STX11: variants seen among roughly 807,000 people sequenced by gnomAD.
The protein encoded by STX11 is syntaxin-11.
STX11 carries 21 observed loss-of-function variants against 19.9 expected under a neutral mutation model. The ratio of observed to expected loss-of-function variants is 1.06; its 90% CI spans 0.75 to 1.52. The LOEUF (loss-of-function observed/expected upper bound fraction) is 1.52, where lower values mean the gene tolerates loss of function less well. Ranked by LOEUF, STX11 falls within the 40% of genes most tolerant of loss-of-function variation. STX11 has a pLI of 0.00. For synonymous variants in STX11, 193 were observed against 174.4 expected (o/e 1.11, Z -0.84); for missense variants, 438 against 405.9 (o/e 1.08, Z -0.68).
In STX11 at chr6:144,172,900, C is replaced by T. The variant is rs1336601717; in HGVS notation, c.-5-13723C>T. ...CACCCCATTTAAAAAAAAAAAAGAGCCATTAACAGGATACATATGACAACC... is the reference window on the plus strand; with the variant it reads ...CACCCCATTTAAAAAAAAAAAAGAGTCATTAACAGGATACATATGACAACC... On this transcript the variant is annotated intron_variant, in intron 1 of 1. Coordinates refer to ENST00000367568, the MANE Select transcript of STX11 (RefSeq NM_003764.4). This position sits in a 1 kb window ranked among gnomAD's most constrained non-coding sequence, Gnocchi z 4.2. Among the ~76,000 whole-genome samples the T allele has an allele frequency of 6.6e-6, 1 of 151,954 alleles. No homozygotes were observed. The highest frequency in any genetic ancestry group is 1.5e-5 in the Non-Finnish European group (1 of 68,006).
chr6:144,140,719 G>C, the STX11 span: 1 of 984,720 alleles, frequency 1.0e-6, no homozygotes, highest in Non-Finnish European at 1.2e-6. Flanking sequence ...GTGCCAAAGG[G>C]AAAAGTAAGA....
In STX11 at chr6:144,151,954, A is replaced by C. The variant is rs185537419; in HGVS notation, c.-6+1251A>C. On this transcript the variant is annotated intron_variant, in intron 1 of 1. Coordinates refer to ENST00000367568, the MANE Select transcript of STX11 (RefSeq NM_003764.4). This position sits in a 1 kb window ranked among gnomAD's most constrained non-coding sequence, Gnocchi z 4.6. ...CGGTAGAGAAGGGGACACCATCTCT[A>C]CTGGAGCTGAGTTGAGCTGAATTCA... Among the ~76,000 whole-genome samples, 280 of 152,266 alleles carry C rather than the reference A, an allele frequency of 1.8e-3. 1 individual carries two copies. Among genetic ancestry groups the C allele is most frequent in the Admixed American group, 5.4e-3 (83 of 15,288 alleles).
At position 144,187,542 on chromosome 6, in the gene STX11, G is replaced by A; in HGVS notation, c.*51G>A. The stretch of plus-strand genomic sequence containing the variant: ...CATCCCAGACCATGGAGCGCGCTGG[G>A]AAGGACGCACCAAAGCCGGGAGCTC... On this transcript the variant is annotated 3_prime_UTR_variant, in exon 2 of 2. Transcript: ENST00000367568. This position sits in a 1 kb window ranked among gnomAD's most constrained non-coding sequence, Gnocchi z 5.6. 1 of 1,609,896 alleles carries A rather than the reference G, an allele frequency of 6.2e-7. No individual in the cohort carries two copies. Among genetic ancestry groups the A allele is most frequent in the Non-Finnish European group, 8.5e-7 (1 of 1,179,136 alleles).
Position 144,187,619 on chromosome 6 carries a change from G to C in STX11, c.*128G>C. On this transcript the variant is annotated 3_prime_UTR_variant, in exon 2 of 2. Coordinates refer to ENST00000367568, the MANE Select transcript of STX11 (RefSeq NM_003764.4). The surrounding 1 kb of genome is among the most constrained non-coding windows in gnomAD (Gnocchi z 5.6). ...TTTCCGGAACTCAGTCTTTAGAAAA[G>C]AAACGCCAGGTTCAAGAATTGCAAA... is the stretch of plus-strand genomic sequence containing the variant. 2.8e-4 allele frequency: 327 copies of C among 1,188,954 alleles called. No homozygotes were observed. The highest frequency in any genetic ancestry group is 2.8e-4 in the East Asian group (10 of 35,502). The allele number at this position is 1,188,954 out of a possible 1,614,324, so 73.7% of individuals were successfully genotyped here. A position where few individuals can be genotyped will look rare whatever the true frequency, so the allele number is the denominator to read the frequency against.
At position 144,187,759 on chromosome 6, in the gene STX11, T is replaced by A; in HGVS notation, c.*268T>A. ...TATGACACCTTGCACTCTTACCGTC[T>A]TGACAGAAGCCAAGTAAGGAACTGA... On this transcript the variant is annotated 3_prime_UTR_variant, in exon 2 of 2. Transcript: ENST00000367568. This position sits in a 1 kb window ranked among gnomAD's most constrained non-coding sequence, Gnocchi z 5.6. 1.8e-6 allele frequency: 1 copy of A among 569,418 alleles called. No individual in the cohort carries two copies. Among genetic ancestry groups the A allele is most frequent in the East Asian group, 3.1e-5 (1 of 32,554 alleles). 35.3% of individuals were successfully genotyped at this position (569,418 alleles called of 1,614,324 possible). A position where few individuals can be genotyped will look rare whatever the true frequency, so the allele number is the denominator to read the frequency against.
At chr6:144,173,546 A>AG (rs1318185636) in intron 1 of STX11, among the ~76,000 whole-genome samples, 1 of 152,152 alleles carries the variant, frequency 6.6e-6, no homozygotes, top group African/African-American at 2.4e-5. Context: ...ATTTTCTCTA[A>AG]ATAATGCTTG....
rs1288720632 is a variant in STX11, at chr6:144,154,268, A to G, written c.-6+3565A>G. ...TGAAGTCACTCTCCTGCCCCTAACA[A>G]TTCTTCCTTATCCAAGAATGGCCTT... On this transcript the variant is annotated intron_variant, in intron 1 of 1. Coordinates refer to ENST00000367568, the MANE Select transcript of STX11 (RefSeq NM_003764.4). The surrounding 1 kb of genome is among the most constrained non-coding windows in gnomAD (Gnocchi z 4.7). Among the ~76,000 whole-genome samples the G allele has an allele frequency of 1.3e-5, 2 of 152,156 alleles. No individual in the cohort carries two copies. Among genetic ancestry groups the G allele is most frequent in the Non-Finnish European group, 2.9e-5 (2 of 68,032 alleles).
chr6:144,179,027 G>A (rs1562666792), intron 1 of STX11, among the ~76,000 whole-genome samples: 1 of 152,154 alleles, frequency 6.6e-6, no homozygotes, highest in Non-Finnish European at 1.5e-5. Flanking sequence ...AGGTTTAATG[G>A]ACTTACAGTT....
upstream of STX11, among the ~76,000 whole-genome samples, chr6:144,147,154 T>C (rs544176021): frequency 8.7e-5 from 13 of 149,878 alleles, no homozygotes; most frequent in Admixed American, 5.9e-4. This position sits in a 1 kb window ranked among gnomAD's most constrained non-coding sequence, Gnocchi z 4.2. Context: ...CAAACATGTA[T>C]AGCTTCTAAT....
At chr6:144,186,537 T>C (rs1802038740) in intron 1 of STX11, 86 bp from the exon 2 acceptor site, 1 of 1,572,076 alleles carries the variant, frequency 6.4e-7, no homozygotes, top group African/African-American at 1.4e-5. Flanking sequence ...TTGGGACTGC[T>C]GAGTAAAATG....
Position 144,191,188 on chromosome 6 carries a change from A to G in STX11, c.*3697A>G. 6.7e-6 allele frequency among the ~76,000 whole-genome samples: 1 copy of G among 150,140 alleles called. No homozygotes were observed. Among genetic ancestry groups the G allele is most frequent in the Non-Finnish European group, 1.5e-5 (1 of 67,744 alleles). On this transcript the variant is annotated 3_prime_UTR_variant, in exon 2 of 2. Coordinates refer to ENST00000367568, the MANE Select transcript of STX11 (RefSeq NM_003764.4). ...TTCTACTAGCCAAATATCAAATTTT[A>G]CAACTACCACCAAGCCACAGATTAT...
Position 144,186,785 on chromosome 6 carries a change from A to C in STX11, c.158A>C (p.Asp53Ala), listed in dbSNP as rs1439132422. ...SLYRDIRDIQ[D>A]ENQLLVADVK... Reference sequence around the variant, plus strand: ...TACCGAGACATCCGGGACATTCAGGATGAAAACCAGCTGCTGGTGGCCGAC... The same window carrying C: ...TACCGAGACATCCGGGACATTCAGGCTGAAAACCAGCTGCTGGTGGCCGAC... The change falls in exon 2 of 2, where the codon GAT becomes GCT. Residue 53 changes from aspartate (D) to alanine (A), a missense_variant. Asp to Ala is a moderately radical substitution (Grantham distance 126, BLOSUM62 -2). Coordinates refer to ENST00000367568, the MANE Select transcript of STX11 (RefSeq NM_003764.4). The C allele has an allele frequency of 6.2e-7, 1 of 1,613,848 alleles. No individual in the cohort carries two copies. Among genetic ancestry groups the C allele is most frequent in the South Asian group, 1.1e-5 (1 of 91,074 alleles).
rs534679635 is a variant in STX11 at position 144,154,997 on chromosome 6, A to G, written c.-6+4294A>G. Among the ~76,000 whole-genome samples, 2 of 152,284 alleles carry G rather than the reference A, an allele frequency of 1.3e-5. No homozygotes were observed. Among genetic ancestry groups the G allele is most frequent in the South Asian group, 4.1e-4 (2 of 4,826 alleles). ...CTCTTAACTGTTCTCATTGTTGATA[A>G]TTCAACCTACCCTGACTTGGATTAA... On this transcript the variant is annotated intron_variant, in intron 1 of 1. Coordinates refer to ENST00000367568, the MANE Select transcript of STX11 (RefSeq NM_003764.4). The surrounding 1 kb of genome is among the most constrained non-coding windows in gnomAD (Gnocchi z 4.7).
At chr6:144,140,731 A>G in the STX11 span, 1 of 985,318 alleles carries the variant, frequency 1.0e-6, no homozygotes, top group Non-Finnish European at 1.2e-6. Flanking sequence ...AAAGTAAGAC[A>G]AAGACATGGA....
At chr6:144,140,243 TATATATA>T in the STX11 span, among the ~76,000 whole-genome samples, 2 of 50,938 alleles carry the variant, frequency 3.9e-5, no homozygotes, top group African/African-American at 2.9e-4. Flanking sequence ...TATATATATA[TATATATA>T]TATATTTATT....
At position 144,159,619 on chromosome 6, in the gene STX11, G is replaced by A. The variant is rs1801282280; in HGVS notation, c.-6+8916G>A. Among the ~76,000 whole-genome samples the A allele has an allele frequency of 6.6e-6, 1 of 152,126 alleles. No homozygotes were observed. The highest frequency in any genetic ancestry group is 2.1e-4 in the South Asian group (1 of 4,828). ...TAAAATAGGTAACAAGGAACGGAGAGGGAAGTTTCTGTGTGTCTCATTCAA... is the reference window on the plus strand; with the variant it reads ...TAAAATAGGTAACAAGGAACGGAGAAGGAAGTTTCTGTGTGTCTCATTCAA... On this transcript the variant is annotated intron_variant, in intron 1 of 1. Coordinates refer to ENST00000367568, the MANE Select transcript of STX11 (RefSeq NM_003764.4). The surrounding 1 kb of genome is among the most constrained non-coding windows in gnomAD (Gnocchi z 4.3).
Position 144,170,180 on chromosome 6 carries a change from T to C in STX11, c.-5-16443T>C, listed in dbSNP as rs192279941. Among the ~76,000 whole-genome samples, 1 of 152,340 alleles carries C rather than the reference T, an allele frequency of 6.6e-6. No homozygotes were observed. Among genetic ancestry groups the C allele is most frequent in the Admixed American group, 6.5e-5 (1 of 15,302 alleles). ...TTCTTGTCACTGTTACTCATAGAAG[T>C]ATCTGCAGGCCTTTTTGAAATTTTC... On this transcript the variant is annotated intron_variant, in intron 1 of 1. Transcript: ENST00000367568. The surrounding 1 kb of genome is among the most constrained non-coding windows in gnomAD (Gnocchi z 4.7).
At chr6:144,144,256 T>C in the STX11 span, among the ~76,000 whole-genome samples, 1 of 152,210 alleles carries the variant, frequency 6.6e-6, no homozygotes, top group East Asian at 1.9e-4. Flanking sequence ...TAACTAGTTT[T>C]GTAAGTCTGC....
rs1318529745 is a variant in STX11, at chr6:144,150,624, T to C, written c.-85T>C. The C allele has an allele frequency of 1.0e-6, 1 of 984,990 alleles. No homozygotes were observed. The highest frequency in any genetic ancestry group is 1.2e-6 in the Non-Finnish European group (1 of 829,912). The allele number at this position is 984,990 out of a possible 1,614,324, so 61.0% of individuals were successfully genotyped here. ...CCGGGAGTCGCGCAACAGGTTTCCTTCTCCATCGCTGCGCCCACAGGGGAC... is the reference window on the plus strand; with the variant it reads ...CCGGGAGTCGCGCAACAGGTTTCCTCCTCCATCGCTGCGCCCACAGGGGAC... On this transcript the variant is annotated 5_prime_UTR_variant, in exon 1 of 2. Transcript: ENST00000367568.
Sources: gnomAD v4.1 joint callset for allele counts (sites outside exome capture counted in the v4.1 genomes callset) on GRCh38, gnomAD v4.1.1 for gene constraint, Gnocchi (gnomAD v3.1) non-coding constraint, MANE v1.5 for transcripts, NCBI Gene and HGNC (gene_info 2026-07-23, HGNC 2026-07-21) for gene names.